LTBP2: variants seen among roughly 807,000 people sequenced by gnomAD.
LTBP2 encodes the protein latent transforming growth factor beta binding protein 2.
A neutral mutation model predicts 210.6 loss-of-function variants in LTBP2; 103 were observed. The observed-to-expected ratio is 0.49, with a 90% CI of 0.42 to 0.58. LTBP2 has a LOEUF of 0.58. Ranked by LOEUF, LTBP2 falls within the 20% of genes least tolerant of loss-of-function variation. LTBP2 has a pLI of 0.00. For missense variants in LTBP2, 2,313 were observed against 2,494.5 expected (o/e 0.93, Z 1.55); for synonymous variants, 1,007 against 1,015.0 (o/e 0.99, Z 0.15).
intron 8 of LTBP2, among the ~76,000 whole-genome samples, chr14:74,541,434 C>G (rs984974398): frequency 6.6e-6 from 1 of 151,910 alleles, no homozygotes; most frequent in Non-Finnish European, 1.5e-5. Context: ...TCATAAGAGC[C>G]CTTGGAGAGT....
intron 26 of LTBP2, 132 bp downstream of exon 26, chr14:74,507,047 C>A: frequency 6.4e-7 from 1 of 1,564,058 alleles, no homozygotes; most frequent in Non-Finnish European, 8.8e-7. Flanking sequence ...ATAAGCTCTG[C>A]TGGATGGAAA....
chr14:74,556,626 C>T (rs2087732867), intron 3 of LTBP2, among the ~76,000 whole-genome samples: 1 of 152,248 alleles, frequency 6.6e-6, no homozygotes, highest in Admixed American at 6.5e-5. Context: ...AAGCAATTCT[C>T]CTGCCTCAGC....
At chr14:74,503,745 G>GT in intron 31 of LTBP2, 139 bp from the exon 32 acceptor site, 2 of 1,409,130 alleles carry the variant, frequency 1.4e-6, no homozygotes, top group Non-Finnish European at 1.9e-6. Context: ...AGCCTGGAAG[G>GT]CCCTCCTGGG....
At chr14:74,549,164 G>A (rs1001506147) in intron 8 of LTBP2, among the ~76,000 whole-genome samples, 3 of 152,120 alleles carry the variant, frequency 2.0e-5, no homozygotes, top group Non-Finnish European at 2.9e-5. Context: ...ACAGACAAAT[G>A]GGCAGAAGCC....
rs2086894653 is a variant in LTBP2 at position 74,500,234 on chromosome 14, T to C, written c.*650A>G. 2 of 235,298 alleles carry C rather than the reference T, an allele frequency of 8.5e-6. No individual in the cohort carries two copies. Among genetic ancestry groups the C allele is most frequent in the African/African-American group, 4.4e-5 (2 of 45,342 alleles). 14.6% of individuals were successfully genotyped at this position (235,298 alleles called of 1,614,324 possible). A position where few individuals can be genotyped will look rare whatever the true frequency, so the allele number is the denominator to read the frequency against. ...CTCAGGCTCTTTGTTCTTCTTCATT[T>C]GTGTCTCTTACATTCAACAAGCTAA... On this transcript the variant is annotated 3_prime_UTR_variant, in exon 36 of 36. Coordinates refer to ENST00000261978, the MANE Select transcript of LTBP2 (RefSeq NM_000428.3).
rs2087362414 is a variant in LTBP2 at position 74,532,417 on chromosome 14, A to G, written c.1987+9T>C. ...TGTCCACCCCCACCCCATCCCTGCC[A>G]GCACTCACACACACAGCGGCTCCGC... On this transcript the variant is annotated intron_variant, in intron 10 of 35. Coordinates refer to ENST00000261978, the MANE Select transcript of LTBP2 (RefSeq NM_000428.3). The G allele has an allele frequency of 6.2e-7, 1 of 1,613,636 alleles. No homozygotes were observed. The highest frequency in any genetic ancestry group is 1.7e-5 in the Admixed American group (1 of 59,994).
chr14:74,508,211 T>A, intron 24 of LTBP2, 116 bp from the exon 25 acceptor site: 1 of 1,339,082 alleles, frequency 7.5e-7, no homozygotes, highest in Non-Finnish European at 1.0e-6. Context: ...GTGGCTTATG[T>A]AGGAAAAGGC....
chr14:74,551,313 G>C lies in LTBP2; in HGVS notation c.1437C>G (p.His479Gln). 6.3e-7 allele frequency: 1 copy of C among 1,593,464 alleles called. No homozygotes were observed. Among genetic ancestry groups the C allele is most frequent in the Non-Finnish European group, 8.6e-7 (1 of 1,167,690 alleles). Residue 479 changes from histidine to glutamine, a missense_variant, in exon 7 of 36, where the codon CAC becomes CAG. Physicochemically the swap from His to Gln is conservative, Grantham distance 24 (BLOSUM62 0). Transcript: ENST00000261978. The stretch of plus-strand genomic sequence containing the variant: ...TCTGCACTGAGGCCTCGGGTGGGTG[G>C]TGAATGTGCACCTTCACCAGGGAGG... ...VNPSLVKVHIHHPPEASVQIH... is the reference protein window; with the variant it reads ...VNPSLVKVHIQHPPEASVQIH...
At chr14:74,596,879 T>A (rs192225388) in intron 2 of LTBP2, among the ~76,000 whole-genome samples, 5 of 151,912 alleles carry the variant, frequency 3.3e-5, no homozygotes, top group Non-Finnish European at 7.4e-5. Context: ...TTAGACAAGT[T>A]GGGATGAGGA....
In LTBP2 at chr14:74,503,911, C is replaced by T; in HGVS notation, c.4582+15G>A. The T allele has an allele frequency of 6.2e-7, 1 of 1,613,912 alleles. No homozygotes were observed. The highest frequency in any genetic ancestry group is 8.5e-7 in the Non-Finnish European group (1 of 1,179,984). On this transcript the variant is annotated intron_variant, in intron 31 of 35. Coordinates refer to ENST00000261978, the MANE Select transcript of LTBP2 (RefSeq NM_000428.3). ...GTGGGCCTGGGGTGGGGGCAGGGAT[C>T]ATGTGTGTCCTTACCCTCACACTTC...
At chr14:74,515,396 A>G (rs548367223) in intron 18 of LTBP2, among the ~76,000 whole-genome samples, 73 of 152,098 alleles carry the variant, frequency 4.8e-4, no homozygotes, top group African/African-American at 1.7e-3. Flanking sequence ...AGGTAGGATA[A>G]CAGGCATGTG....
chr14:74,529,154 G>A (rs1338450966), intron 10 of LTBP2, 32 bp from the exon 11 acceptor site: 1 of 1,550,856 alleles, frequency 6.4e-7, no homozygotes, highest in Non-Finnish European at 8.7e-7. Flanking sequence ...GAGGTGGGCA[G>A]GTGGCCAGTG....
At chr14:74,502,968 C>T (rs1209824864) in intron 33 of LTBP2, 34 bp from the exon 34 acceptor site, 1 of 1,606,600 alleles carries the variant, frequency 6.2e-7, no homozygotes, top group Non-Finnish European at 8.5e-7. Context: ...GAGCTGGGTT[C>T]TAGCTCCTGC....
chr14:74,501,030 C>T lies in LTBP2; in HGVS notation c.5321-1G>A. On this transcript the variant is annotated splice_acceptor_variant, in intron 35 of 35. Transcript: ENST00000261978. LOFTEE classifies it high-confidence loss of function. Reference sequence around the variant, plus strand: ...TTCAAGTCATCACACTCATTCACATCTAAGAGGAAACAAAGGAGAGTGCTG... The same window carrying T: ...TTCAAGTCATCACACTCATTCACATTTAAGAGGAAACAAAGGAGAGTGCTG... 1 of 1,613,134 alleles carries T rather than the reference C, an allele frequency of 6.2e-7. No individual in the cohort carries two copies. The highest frequency in any genetic ancestry group is 8.5e-7 in the Non-Finnish European group (1 of 1,179,542).
At chr14:74,529,206 G>T in intron 10 of LTBP2, 84 bp from the exon 11 acceptor site, 1 of 1,492,758 alleles carries the variant, frequency 6.7e-7, no homozygotes, top group Non-Finnish European at 9.1e-7. Flanking sequence ...ATGGAGGTGT[G>T]GCTGGCCACA....
At chr14:74,589,298 C>A (rs1316018331) in intron 2 of LTBP2, among the ~76,000 whole-genome samples, 2 of 152,136 alleles carry the variant, frequency 1.3e-5, no homozygotes, top group Non-Finnish European at 2.9e-5. Context: ...ACCCTCTAAC[C>A]CAGGCTGAGG....
At chr14:74,599,517 C>T (rs939806110) in intron 2 of LTBP2, among the ~76,000 whole-genome samples, 1 of 152,252 alleles carries the variant, frequency 6.6e-6, no homozygotes, top group African/African-American at 2.4e-5. Context: ...CAGTTCTTCC[C>T]CTCTGCTGGG....
At chr14:74,501,363 TCTTCCAGC>T (rs531741146) in intron 35 of LTBP2, 70 bp downstream of exon 35, 65 of 1,603,952 alleles carry the variant, frequency 4.1e-5, no homozygotes, top group Non-Finnish European at 4.7e-5. Context: ...CAGCAGTGGC[TCTTCCAGC>T]CTTCCTGAGT....
intron 19 of LTBP2, among the ~76,000 whole-genome samples, chr14:74,510,802 G>C (rs147386723): frequency 5.2e-4 from 79 of 152,336 alleles, no homozygotes; most frequent in African/African-American, 1.9e-3. Flanking sequence ...AAGAGCACAC[G>C]CCTCCTACTG....
Sources: gnomAD v4.1 joint callset for allele counts (sites outside exome capture counted in the v4.1 genomes callset) on GRCh38, gnomAD v4.1.1 for gene constraint, MANE v1.5 for transcripts, NCBI Gene and HGNC (gene_info 2026-07-23, HGNC 2026-07-21) for gene names.